Variants in PRKACB observed in about 807,000 individuals in gnomAD.
PRKACB encodes protein kinase cAMP-activated catalytic subunit beta, also known as cAMP-dependent protein kinase catalytic subunit beta.
A neutral mutation model predicts 51.4 loss-of-function variants in PRKACB; 16 were observed. That is an observed-to-expected ratio of 0.31 (90% CI 0.21 to 0.47). The LOEUF is 0.47. Ranked by LOEUF, PRKACB falls within the 20% of genes least tolerant of loss-of-function variation. PRKACB has a pLI of 1.00. For missense variants in PRKACB, 309 were observed against 464.5 expected, an observed-to-expected ratio of 0.67 and a Z score of 3.08; for synonymous variants, 147 against 154.4, an observed-to-expected ratio of 0.95 and a Z score of 0.35.
chr1:84,209,434 T>C (rs752724003), intron 8 of PRKACB, among the ~76,000 whole-genome samples: 66 of 152,004 alleles, frequency 4.3e-4, no homozygotes, highest in Admixed American at 7.9e-4. Flanking sequence ...ACCCTTTCAG[T>C]TGGTCAGGCC....
intron 1 of PRKACB, among the ~76,000 whole-genome samples, chr1:84,094,534 A>C (rs1383658001): frequency 6.6e-6 from 1 of 151,610 alleles, no homozygotes; most frequent in African/African-American, 2.4e-5. Flanking sequence ...GGGGGTTTTT[A>C]GCTTAGTTTC....
intron 2 of PRKACB, chr1:84,181,567 T>C: frequency 1.3e-6 from 1 of 757,086 alleles, no homozygotes; most frequent in Non-Finnish European, 1.8e-6. Flanking sequence ...TTTGGTTCTT[T>C]GTAGAATGAG....
At chr1:84,226,696 C>T (rs1408102352) in intron 9 of PRKACB, among the ~76,000 whole-genome samples, 1 of 152,074 alleles carries the variant, frequency 6.6e-6, no homozygotes, top group East Asian at 1.9e-4. Context: ...ATTTACATCT[C>T]ATTTCCATTT....
chr1:84,161,495 T>C (rs1032120081), intron 1 of PRKACB, among the ~76,000 whole-genome samples: 1 of 151,894 alleles, frequency 6.6e-6, no homozygotes, highest in Admixed American at 6.6e-5. Flanking sequence ...GTAGCTTCCA[T>C]TTTACTGTTT....
intron 9 of PRKACB, among the ~76,000 whole-genome samples, chr1:84,215,550 A>G (rs1672760272): frequency 3.3e-5 from 5 of 152,244 alleles, no homozygotes; most frequent in South Asian, 4.1e-4. Flanking sequence ...AGACTTGAAT[A>G]TAAGTATAGA....
At chr1:84,192,300 G>T (rs1484547904) in intron 5 of PRKACB, among the ~76,000 whole-genome samples, 1 of 152,076 alleles carries the variant, frequency 6.6e-6, no homozygotes, top group African/African-American at 2.4e-5. Flanking sequence ...AATGAATTAT[G>T]TGAGGAGACC....
At chr1:84,128,760 G>GT (rs1317486716) in intron 1 of PRKACB, among the ~76,000 whole-genome samples, 1 of 152,086 alleles carries the variant, frequency 6.6e-6, no homozygotes, top group Non-Finnish European at 1.5e-5. Context: ...TAACTGATTA[G>GT]TTTAAAAAGT....
intron 1 of PRKACB, among the ~76,000 whole-genome samples, chr1:84,138,698 T>G (rs1653087065): frequency 6.6e-6 from 1 of 152,184 alleles, no homozygotes; most frequent in Non-Finnish European, 1.5e-5. Flanking sequence ...AATCTTAACC[T>G]GCTACCAAAA....
rs1362337177 is a variant in PRKACB at position 84,196,552 on chromosome 1, A to T, written c.561-64A>T. 3 of 1,496,104 alleles carry T rather than the reference A, an allele frequency of 2.0e-6. No individual in the cohort carries two copies. In the East Asian group the frequency reaches 7.1e-5, roughly 35 times the overall value. The allele number at this position is 1,496,104 out of a possible 1,614,324, so 92.7% of individuals were successfully genotyped here. A position where few individuals can be genotyped will look rare whatever the true frequency, so the allele number is the denominator to read the frequency against. ...CTACTTCATATTAGTTTTTATGCAT[A>T]ATCTACTAATTAGAATGTATTAACT... On this transcript the variant is annotated intron_variant, in intron 5 of 9. Coordinates refer to ENST00000370685, the MANE Select transcript of PRKACB (RefSeq NM_182948.4).
At chr1:84,186,356 C>G (rs1181741322) in intron 5 of PRKACB, among the ~76,000 whole-genome samples, 1 of 151,850 alleles carries the variant, frequency 6.6e-6, no homozygotes, top group African/African-American at 2.4e-5. Flanking sequence ...GTAGCTGGGA[C>G]TAGAGGTGTC....
intron 1 of PRKACB, among the ~76,000 whole-genome samples, chr1:84,156,093 A>G (rs1378637454): frequency 6.6e-6 from 1 of 151,990 alleles, no homozygotes; most frequent in Non-Finnish European, 1.5e-5. Context: ...GGCTCAAGCT[A>G]TTTTCCCACC....
chr1:84,184,189 A>C, intron 4 of PRKACB, 54 bp downstream of exon 4: 2 of 1,467,670 alleles, frequency 1.4e-6, no homozygotes, highest in Non-Finnish European at 1.9e-6. Context: ...TTTTTTTAAG[A>C]TGAAACTATA....
At position 84,202,392 on chromosome 1, in the gene PRKACB, C is replaced by G. The variant is rs535812934; in HGVS notation, c.784-291C>G. Among the ~76,000 whole-genome samples, 55 of 151,904 alleles carry G rather than the reference C, an allele frequency of 3.6e-4. No homozygotes were observed. The South Asian group carries it at 9.4e-3, about 26-fold the overall frequency. The stretch of plus-strand genomic sequence containing the variant: ...GTTATTGAGCAAGAACTAAATTATA[C>G]CAGTGAAATAAAGAAAATTTCATTG... On this transcript the variant is annotated intron_variant, in intron 7 of 9. Coordinates refer to ENST00000370685, the MANE Select transcript of PRKACB (RefSeq NM_182948.4).
intron 9 of PRKACB, among the ~76,000 whole-genome samples, chr1:84,223,433 A>G (rs1356873356): frequency 4.3e-5 from 6 of 139,386 alleles, no homozygotes; most frequent in Non-Finnish European, 9.0e-5. Flanking sequence ...CAGTGGCGTG[A>G]TCTCAACTCA....
intron 9 of PRKACB, among the ~76,000 whole-genome samples, chr1:84,215,015 A>T (rs1477643545): frequency 1.3e-5 from 2 of 152,266 alleles, no homozygotes; most frequent in African/African-American, 4.8e-5. Context: ...TGCCAGATAT[A>T]TAATAACATT....
intron 2 of PRKACB, among the ~76,000 whole-genome samples, chr1:84,181,269 GCTAAACA>G (rs1663363687): frequency 6.6e-6 from 1 of 151,838 alleles, no homozygotes; most frequent in Admixed American, 6.6e-5. Flanking sequence ...ATTTTTTCAA[GCTAAACA>G]CTACATACTG....
intron 9 of PRKACB, among the ~76,000 whole-genome samples, chr1:84,218,611 A>G (rs1673211196): frequency 6.6e-6 from 1 of 152,250 alleles, no homozygotes; most frequent in Non-Finnish European, 1.5e-5. Context: ...GTGCTGCAAT[A>G]AACATGAGGA....
intron 7 of PRKACB, 148 bp downstream of exon 7, chr1:84,197,972 G>T (rs1445302438): frequency 1.8e-6 from 1 of 562,564 alleles, no homozygotes; most frequent in Non-Finnish European, 3.0e-6. Context: ...GATTACTAAA[G>T]AATTATTATT....
At chr1:84,156,062 C>T (rs959726293) in intron 1 of PRKACB, among the ~76,000 whole-genome samples, 3 of 152,086 alleles carry the variant, frequency 2.0e-5, no homozygotes, top group Non-Finnish European at 2.9e-5. Context: ...GATCATGGCT[C>T]ACTGCAGCCT....
Sources: allele counts gnomAD v4.1 joint callset (sites outside exome capture counted in the v4.1 genomes callset), GRCh38; gene constraint gnomAD v4.1.1; transcripts MANE v1.5; gene names NCBI Gene and HGNC (gene_info 2026-07-23, HGNC 2026-07-21).